The following RXRG variants were observed in gnomAD, a reference collection of about 807,000 sequenced individuals.
RXRG encodes the protein retinoid X receptor gamma.
Under a neutral mutation model 49.2 loss-of-function variants are expected in RXRG, and 19 were observed. That is an observed-to-expected ratio of 0.39 (90% CI 0.27 to 0.57). The LOEUF is 0.57. RXRG is among the 20% of genes least tolerant of loss of function. RXRG has a pLI of 0.64. For missense variants in RXRG, 452 were observed against 592.5 expected (o/e 0.76, Z 2.46); for synonymous variants, 224 against 216.6 (o/e 1.03, Z -0.30).
chr1:165,427,358 G>C (rs1238321509), intron 2 of RXRG, among the ~76,000 whole-genome samples: 3 of 152,156 alleles, frequency 2.0e-5, no homozygotes, highest in African/African-American at 7.2e-5. Flanking sequence ...CACTAATATA[G>C]ACACAGCCTT....
At chr1:165,408,178 G>A (rs537660469) in intron 8 of RXRG, 49 bp downstream of exon 8, 21 of 1,396,296 alleles carry the variant, frequency 1.5e-5, no homozygotes, top group Admixed American at 5.0e-5. Context: ...GAGGTTGACC[G>A]TGGAAGAGGG....
intron 1 of RXRG, among the ~76,000 whole-genome samples, chr1:165,435,446 G>A (rs1056910546): frequency 3.9e-5 from 6 of 152,196 alleles, no homozygotes; most frequent in African/African-American, 1.4e-4. Context: ...CTGGTAAAGA[G>A]CAGGGCCAGG....
intron 1 of RXRG, among the ~76,000 whole-genome samples, chr1:165,432,114 G>T (rs939043722): frequency 2.0e-5 from 3 of 152,128 alleles, no homozygotes; most frequent in Non-Finnish European, 2.9e-5. Flanking sequence ...AAAATAAAAT[G>T]AGATAATGAT....
At chr1:165,427,929 C>CA (rs1571282241) in intron 2 of RXRG, among the ~76,000 whole-genome samples, 2 of 152,310 alleles carry the variant, frequency 1.3e-5, no homozygotes, top group East Asian at 3.9e-4. Flanking sequence ...CCCACTCACC[C>CA]ACCATCTGAA....
intron 9 of RXRG, among the ~76,000 whole-genome samples, chr1:165,401,752 TTC>T (rs1219312919): frequency 6.6e-6 from 1 of 152,234 alleles, no homozygotes; most frequent in Admixed American, 6.5e-5. Context: ...GCTCCTCACA[TTC>T]TCTGTGTCCC....
chr1:165,415,633 G>A (rs1024257293), intron 4 of RXRG, among the ~76,000 whole-genome samples: 3 of 152,126 alleles, frequency 2.0e-5, no homozygotes, highest in Admixed American at 1.3e-4. Flanking sequence ...TTCCTCACCC[G>A]CTACATGTGG....
intron 2 of RXRG, among the ~76,000 whole-genome samples, chr1:165,425,153 AG>A (rs1386296436): frequency 6.6e-6 from 1 of 152,192 alleles, no homozygotes; most frequent in Non-Finnish European, 1.5e-5. Context: ...CTACTCACAC[AG>A]CTCTGAAGAT....
At chr1:165,418,410 G>A (rs1658203117) in intron 3 of RXRG, among the ~76,000 whole-genome samples, 1 of 152,154 alleles carries the variant, frequency 6.6e-6, no homozygotes. Flanking sequence ...ATTTGTGTCT[G>A]ATTCTTTGAA....
intron 9 of RXRG, among the ~76,000 whole-genome samples, chr1:165,406,355 G>A (rs1413942368): frequency 6.6e-6 from 1 of 152,222 alleles, no homozygotes; most frequent in Non-Finnish European, 1.5e-5. Context: ...CTACTGCATG[G>A]GGGTTTCTAT....
At position 165,413,493 on chromosome 1, in the gene RXRG, T is replaced by C. The variant is rs138526837; in HGVS notation, c.623-2384A>G. Among the ~76,000 whole-genome samples the C allele has an allele frequency of 4.6e-3, 704 of 152,176 alleles. 5 individuals carry two copies. Among genetic ancestry groups the C allele is most frequent in the African/African-American group, 0.016 (674 of 41,542 alleles). On this transcript the variant is annotated intron_variant, in intron 4 of 9. Coordinates refer to ENST00000359842, the MANE Select transcript of RXRG (RefSeq NM_006917.5). Reference sequence around the variant, plus strand: ...TCTGAGGGCATGTGGTAGGCCATGATGGAGCCAGCACATGCACCCACAATG... The same window carrying C: ...TCTGAGGGCATGTGGTAGGCCATGACGGAGCCAGCACATGCACCCACAATG...
At chr1:165,439,110 C>A (rs1166364782) in intron 1 of RXRG, among the ~76,000 whole-genome samples, 1 of 152,068 alleles carries the variant, frequency 6.6e-6, no homozygotes, top group African/African-American at 2.4e-5. Context: ...AAGTAATCTG[C>A]CAACTTGTCA....
At chr1:165,432,151 C>A (rs1658691145) in intron 1 of RXRG, among the ~76,000 whole-genome samples, 1 of 152,042 alleles carries the variant, frequency 6.6e-6, no homozygotes, top group South Asian at 2.1e-4. Flanking sequence ...AATTAAAGTA[C>A]ATTTTTGTTG....
chr1:165,430,094 A>G (rs1266452244), intron 1 of RXRG, among the ~76,000 whole-genome samples: 2 of 152,198 alleles, frequency 1.3e-5, no homozygotes, highest in East Asian at 1.9e-4. Context: ...CAGCACATCC[A>G]TGGCACCCAA....
chr1:165,410,953 T>A lies in RXRG; in HGVS notation c.779A>T (p.Asn260Ile). ...TGTGTGTCTAAGAGCACATACCGAG[T>A]TCTCCATATTCATGTCACCATAGGA... is the stretch of plus-strand genomic sequence containing the variant. ...TESYGDMNME[N>I]STNDPVTNIC... The change falls in exon 5 of 10, where the codon AAC becomes ATC. Residue 260 changes from asparagine to isoleucine, a missense_variant. Transcript: ENST00000359842. 1 of 1,614,024 alleles carries A rather than the reference T, an allele frequency of 6.2e-7. No homozygotes were observed. The highest frequency in any genetic ancestry group is 8.5e-7 in the Non-Finnish European group (1 of 1,179,996).
chr1:165,425,996 G>C (rs1389777679), intron 2 of RXRG, among the ~76,000 whole-genome samples: 4 of 152,230 alleles, frequency 2.6e-5, no homozygotes, highest in Non-Finnish European at 5.9e-5. Flanking sequence ...GCAAGCCAGG[G>C]GACAGGATTT....
At chr1:165,433,556 T>G (rs1412817971) in intron 1 of RXRG, among the ~76,000 whole-genome samples, 1 of 152,268 alleles carries the variant, frequency 6.6e-6, no homozygotes, top group African/African-American at 2.4e-5. Context: ...GAAAAAGCGC[T>G]AGTGGAGTTC....
chr1:165,429,014 G>T, intron 1 of RXRG, 48 bp from the exon 2 acceptor site: 1 of 1,578,772 alleles, frequency 6.3e-7, no homozygotes. Flanking sequence ...AACATGGAAA[G>T]GGGCCCTGGG....
intron 6 of RXRG, among the ~76,000 whole-genome samples, chr1:165,410,153 A>G (rs1657897846): frequency 6.6e-6 from 1 of 152,176 alleles, no homozygotes; most frequent in Non-Finnish European, 1.5e-5. Context: ...AGTGCTCATT[A>G]TCTAACAGGG....
At chr1:165,415,171 G>C (rs540670495) in intron 4 of RXRG, among the ~76,000 whole-genome samples, 1 of 151,990 alleles carries the variant, frequency 6.6e-6, no homozygotes, top group Non-Finnish European at 1.5e-5. Context: ...GTAAAGATAC[G>C]AAGGATGAGA....
Sources: allele counts gnomAD v4.1 joint callset (sites outside exome capture counted in the v4.1 genomes callset), GRCh38; gene constraint gnomAD v4.1.1; transcripts MANE v1.5; gene names NCBI Gene and HGNC (gene_info 2026-07-23, HGNC 2026-07-21).